POM121: variants seen among roughly 807,000 people sequenced by gnomAD.
POM121 encodes POM121 transmembrane nucleoporin.
POM121 carries 32 observed loss-of-function variants against 81.3 expected under a neutral mutation model. That is an observed-to-expected ratio of 0.39 (90% CI 0.30 to 0.53). The LOEUF is 0.53. POM121 is among the 20% of genes least tolerant of loss of function. The pLI is 0.66. For missense variants in POM121, 1,138 were observed against 1,614.6 expected (o/e 0.70, Z 5.06); for synonymous variants, 514 against 694.2 (o/e 0.74, Z 4.08).
At chr7:72,880,360 C>CTTTGTGGGTAGATCAA in intron 1 of POM121, among the ~76,000 whole-genome samples, 1 of 152,220 alleles carries the variant, frequency 6.6e-6, no homozygotes, top group East Asian at 1.9e-4. Flanking sequence ...ACCAGGTCAC[C>CTTTGTGGGTAGATCAA]GGCTTTGTGG....
chr7:72,922,662 A>T (rs1468322709), upstream of POM121, among the ~76,000 whole-genome samples: 1 of 151,810 alleles, frequency 6.6e-6, no homozygotes, highest in East Asian at 1.9e-4. Context: ...AATGTGCTAG[A>T]TTATGTGTAA....
intron 1 of POM121, among the ~76,000 whole-genome samples, chr7:72,880,545 C>T (rs1214481226): frequency 6.6e-6 from 1 of 152,046 alleles, no homozygotes; most frequent in Non-Finnish European, 1.5e-5. Flanking sequence ...TGAGAGCTCA[C>T]ATACTCAATT....
At chr7:72,937,899 C>T (rs1389578146) in intron 5 of POM121, among the ~76,000 whole-genome samples, 32 of 152,228 alleles carry the variant, frequency 2.1e-4, no homozygotes, top group South Asian at 4.2e-4. Context: ...AAGTCATAAA[C>T]GTTACGACAG....
chr7:72,915,950 G>T (rs1361224515), intron 4 of POM121, among the ~76,000 whole-genome samples: 1 of 152,212 alleles, frequency 6.6e-6, no homozygotes, highest in Non-Finnish European at 1.5e-5. Flanking sequence ...GATTACAGGC[G>T]TGAGCCACCG....
intron 3 of POM121, among the ~76,000 whole-genome samples, chr7:72,899,575 A>AT (rs10709124): frequency 0.12 from 14,463 of 121,472 alleles, 1,269 homozygotes; most frequent in East Asian, 0.32. Flanking sequence ...TTGATATTAC[A>AT]TTTTTTTTTT....
At chr7:72,883,377 C>T (rs1554489593) in intron 1 of POM121, among the ~76,000 whole-genome samples, 1 of 152,210 alleles carries the variant, frequency 6.6e-6, no homozygotes, top group Admixed American at 6.5e-5. Flanking sequence ...TGGTCTCAAA[C>T]TCCTGGCCTC....
chr7:72,927,332 C>T (rs879982896), intron 3 of POM121, among the ~76,000 whole-genome samples: 2 of 152,148 alleles, frequency 1.3e-5, no homozygotes, highest in Admixed American at 6.5e-5. Flanking sequence ...TTCCATGTTC[C>T]AGTGTCTTAA....
In POM121 at chr7:72,928,470, G is replaced by C; in HGVS notation, c.1103+5G>C. 6.2e-7 allele frequency: 1 copy of C among 1,613,206 alleles called. No individual in the cohort carries two copies. Among genetic ancestry groups the C allele is most frequent in the East Asian group, 2.2e-5 (1 of 44,868 alleles). ...CCCCGCTTCTTTTGTGCCTAAGTAA[G>C]TGGGAGTCCATCCGGATGAAATACC... On this transcript the variant is annotated splice_donor_5th_base_variant and intron_variant, in intron 4 of 12. Coordinates refer to ENST00000434423, the MANE Select transcript of POM121 (RefSeq NM_001387691.1).
intron 3 of POM121, among the ~76,000 whole-genome samples, chr7:72,899,845 C>T (rs1487083481): frequency 6.6e-6 from 1 of 152,086 alleles, no homozygotes; most frequent in Non-Finnish European, 1.5e-5. Flanking sequence ...TCCCAAAGTG[C>T]TGGGATTACA....
At chr7:72,950,325 G>A (rs1797970216), downstream of POM121, 11 of 900,866 alleles carry the variant, frequency 1.2e-5, 1 homozygote, top group Admixed American at 2.2e-4. Flanking sequence ...AAGGGAATCC[G>A]GGATCCGCAG....
At chr7:72,904,331 C>T (rs1367338065) in intron 3 of POM121, among the ~76,000 whole-genome samples, 1 of 152,234 alleles carries the variant, frequency 6.6e-6, no homozygotes, top group Admixed American at 6.5e-5. Flanking sequence ...GCTGTTAGCA[C>T]GCCTCTAGTT....
rs548451887 is a variant in POM121 at position 72,938,084 on chromosome 7, A to G, written c.1276-506A>G. Among the ~76,000 whole-genome samples the G allele has an allele frequency of 2.6e-5, 4 of 152,260 alleles. 1 individual carries two copies. The South Asian group carries it at 8.3e-4, about 32-fold the overall frequency. On this transcript the variant is annotated intron_variant, in intron 5 of 12. Transcript: ENST00000434423. ...CTGAGGCTAACGTTCCACCTAATAT[A>G]TGCAAAAGTGTGTCCATCCCTTCTA... is the stretch of plus-strand genomic sequence containing the variant.
rs1453832042 is a variant in POM121, at chr7:72,925,222, C to T, written c.101C>T (p.Ala34Val). 8 of 1,530,892 alleles carry T rather than the reference C, an allele frequency of 5.2e-6. No individual in the cohort carries two copies. The highest frequency in any genetic ancestry group is 1.2e-5 in the South Asian group (1 of 83,584). 94.8% of individuals were successfully genotyped at this position (1,530,892 alleles called of 1,614,324 possible). A position where few individuals can be genotyped will look rare whatever the true frequency, so the allele number is the denominator to read the frequency against. ...RGRGCGGPAR[A>V]VLLGLSLVGL... ...CGGGGCTGCGGCGGGCCGGCCAGGG[C>T]GGTGCTCCTGGGCCTGTCGCTGGTT... Residue 34 changes from alanine (A) to valine (V), a missense_variant, in exon 1 of 13, where the codon GCG becomes GTG. Transcript: ENST00000434423.
chr7:72,943,367 G>C lies in POM121; in HGVS notation c.3374G>C (p.Gly1125Ala), dbSNP rs1797325300. ...ACCCCAGGCTCCAGCACCACCACCG[G>C]AGCTTTCAGCTTTGGAGCAGGACAG... ...VATPGSSTTT[G>A]AFSFGAGQSG... is the part of the protein sequence containing the mutation. Residue 1125 changes from glycine to alanine, a missense_variant, in exon 11 of 13, where the codon GGA becomes GCA. This residue lies in a region of POM121 where 336 missense variants were observed against 344.3 expected (regional missense o/e 0.98). Transcript: ENST00000434423. 2 of 1,613,092 alleles carry C rather than the reference G, an allele frequency of 1.2e-6. No homozygotes were observed. Among genetic ancestry groups the C allele is most frequent in the East Asian group, 4.5e-5 (2 of 44,796 alleles).
In POM121 at chr7:72,918,253, A is replaced by T. The variant is rs1257899941; in HGVS notation, c.-152+4425A>T. 4.6e-5 allele frequency among the ~76,000 whole-genome samples: 7 copies of T among 151,178 alleles called. No individual in the cohort carries two copies. In the South Asian group the frequency reaches 1.5e-3, roughly 32 times the overall value. On this transcript the variant is annotated intron_variant, in intron 4 of 15. Coordinates refer to the POM121 transcript ENST00000395270. Reference sequence around the variant, plus strand: ...TCTAAACTCCCCCGGGGAAAGGGAGACTCCCTTTCCCGGTCTGCTAAGTAG... The same window carrying T: ...TCTAAACTCCCCCGGGGAAAGGGAGTCTCCCTTTCCCGGTCTGCTAAGTAG...
At chr7:72,920,083 A>G (rs1449819694) in intron 4 of POM121, among the ~76,000 whole-genome samples, 2 of 152,044 alleles carry the variant, frequency 1.3e-5, no homozygotes, top group Non-Finnish European at 2.9e-5. Flanking sequence ...ATTTTTCATT[A>G]TGTTTGGAAA....
In POM121 at chr7:72,935,984, T is replaced by C. The variant is rs1796472931; in HGVS notation, c.1276-2606T>C. On this transcript the variant is annotated intron_variant, in intron 5 of 12. Transcript: ENST00000434423. ...TTTCCTTTCCTCTGCAATCTTATTC[T>C]GTTTATGTCTTGCTGCACTTGGCTA... Among the ~76,000 whole-genome samples the C allele has an allele frequency of 2.0e-5, 3 of 151,004 alleles. No homozygotes were observed. In the South Asian group the frequency reaches 6.3e-4, roughly 31 times the overall value.
At chr7:72,886,135 G>A (rs1482676396) in intron 1 of POM121, among the ~76,000 whole-genome samples, 9 of 151,408 alleles carry the variant, frequency 5.9e-5, no homozygotes, top group Non-Finnish European at 1.0e-4. Flanking sequence ...TATCTATTAC[G>A]TTGTTGTTAA....
At chr7:72,888,860 G>GT (rs1791011462) in intron 1 of POM121, among the ~76,000 whole-genome samples, 1 of 151,820 alleles carries the variant, frequency 6.6e-6, no homozygotes, top group Non-Finnish European at 1.5e-5. Context: ...TCTTTAGTTT[G>GT]TTTTTTTAAA....
Sources: gnomAD v4.1 joint callset for allele counts (sites outside exome capture counted in the v4.1 genomes callset) on GRCh38, gnomAD v4.1.1 for gene constraint, gnomAD v4.1.1 regional missense constraint, MANE v1.5 for transcripts, NCBI Gene and HGNC (gene_info 2026-07-23, HGNC 2026-07-21) for gene names.